CPM: variants seen among roughly 807,000 people sequenced by gnomAD.
The protein encoded by CPM is renal carboxypeptidase.
A neutral mutation model predicts 46.4 loss-of-function variants in CPM; 35 were observed. The observed-to-expected ratio is 0.75, with a 90% CI of 0.58 to 1.00. The LOEUF is 1.00. Among genes scored for constraint, CPM ranks in the 50% least tolerant of loss-of-function variants. The pLI is 0.00. For missense variants in CPM, 422 were observed against 530.4 expected (o/e 0.80, Z 2.01); for synonymous variants, 195 against 195.3 (o/e 1.00, Z 0.01).
intron 3 of CPM, among the ~76,000 whole-genome samples, chr12:68,883,053 C>T (rs1886265042): frequency 6.6e-6 from 1 of 152,258 alleles, no homozygotes; most frequent in East Asian, 1.9e-4. Flanking sequence ...GGGTGGGGTC[C>T]CATTTTAAAA....
intron 4 of CPM, among the ~76,000 whole-genome samples, chr12:68,870,699 C>T (rs574991899): frequency 5.3e-5 from 8 of 152,204 alleles, no homozygotes; most frequent in Non-Finnish European, 1.2e-4. Context: ...ACCTTGAGAT[C>T]CCAATGGTCG....
intron 1 of CPM, among the ~76,000 whole-genome samples, chr12:68,939,673 A>G (rs1044173478): frequency 6.6e-6 from 1 of 152,122 alleles, no homozygotes; most frequent in Non-Finnish European, 1.5e-5. Context: ...TGGACTGGTT[A>G]GGCAATGCCT....
chr12:68,927,194 T>C (rs558923271), intron 2 of CPM, among the ~76,000 whole-genome samples: 1,659 of 151,458 alleles, frequency 0.011, 19 homozygotes, highest in Admixed American at 0.015. Flanking sequence ...TGTAAAAGTG[T>C]TCCTATTTCT....
intron 1 of CPM, among the ~76,000 whole-genome samples, chr12:68,948,644 G>A (rs1285897250): frequency 6.6e-6 from 1 of 152,146 alleles, no homozygotes; most frequent in Non-Finnish European, 1.5e-5. Flanking sequence ...TTGGTTGCCT[G>A]CATATAGCAA....
chr12:68,842,232 A>G (rs1160886505), exon 6 of CPM: 1 of 498,546 alleles, frequency 2.0e-6, no homozygotes, highest in Non-Finnish European at 4.0e-6. Context: ...CTATATTTAT[A>G]ATGAACAAAT....
In CPM at chr12:68,962,374, G is replaced by A. The variant is rs548139694; in HGVS notation, c.-4+795C>T. Among the ~76,000 whole-genome samples the A allele has an allele frequency of 9.9e-5, 15 of 152,174 alleles. No individual in the cohort carries two copies. The South Asian group carries it at 2.5e-3, about 25-fold the overall frequency. ...GAAGGCCTCAGAAGCAGCCTGAGAA[G>A]CAAAAGGTTTTCTCTGACCTTCTCC... On this transcript the variant is annotated intron_variant, in intron 1 of 8. Coordinates refer to the CPM transcript ENST00000546373.
At chr12:68,914,799 T>C (rs1458471582) in intron 2 of CPM, among the ~76,000 whole-genome samples, 12 of 152,186 alleles carry the variant, frequency 7.9e-5, no homozygotes, top group Non-Finnish European at 1.8e-4. Flanking sequence ...CTCTAGAGAC[T>C]GGAAGAACTG....
intron 2 of CPM, among the ~76,000 whole-genome samples, chr12:68,901,337 G>A (rs1291385446): frequency 6.6e-6 from 1 of 152,210 alleles, no homozygotes; most frequent in African/African-American, 2.4e-5. Flanking sequence ...GAGCCAGAGA[G>A]GTCAGGTTGT....
intron 1 of CPM, among the ~76,000 whole-genome samples, chr12:68,952,460 G>A (rs1184161853): frequency 4.6e-5 from 7 of 152,192 alleles, no homozygotes; most frequent in Non-Finnish European, 8.8e-5. Context: ...CGGGCTACAT[G>A]ATCTGTGGGA....
At chr12:68,889,376 T>C (rs553539088) in intron 2 of CPM, among the ~76,000 whole-genome samples, 1 of 152,352 alleles carries the variant, frequency 6.6e-6, no homozygotes, top group South Asian at 2.1e-4. Context: ...AGGAATTTTA[T>C]GTAAATTATA....
chr12:68,843,504 ACTT>A (rs150489933), intron 5 of CPM: 15,190 of 226,362 alleles, frequency 0.067, 2,279 homozygotes, highest in African/African-American at 0.32. Context: ...CTGTGGATTA[ACTT>A]CTTGATTTAT....
chr12:68,955,309 T>A (rs193134090), intron 1 of CPM, among the ~76,000 whole-genome samples: 1 of 152,320 alleles, frequency 6.6e-6, no homozygotes, highest in African/African-American at 2.4e-5. Context: ...TTTAAAAAAA[T>A]TTGTAAAACA....
Position 68,931,651 on chromosome 12 carries a change from A to C in CPM, c.160+1027T>G, listed in dbSNP as rs191968550. On this transcript the variant is annotated intron_variant, in intron 2 of 8. Coordinates refer to ENST00000551568, the MANE Select transcript of CPM (RefSeq NM_198320.5). ...TCCCAGCTACTCGGGAGACTGAGGC[A>C]GGAGAATTGCTTGAACTCAGGAAGC... is the stretch of plus-strand genomic sequence containing the variant. Among the ~76,000 whole-genome samples the C allele has an allele frequency of 4.0e-3, 593 of 148,092 alleles. 3 individuals carry two copies. The highest frequency in any genetic ancestry group is 0.014 in the African/African-American group (567 of 40,084).
At chr12:68,859,258 C>A (rs1885108947) in intron 7 of CPM, among the ~76,000 whole-genome samples, 187 bp from the exon 8 acceptor site, 1 of 152,084 alleles carries the variant, frequency 6.6e-6, no homozygotes, top group African/African-American at 2.4e-5. Context: ...AATTACTAAT[C>A]TGATTTATAG....
chr12:68,853,406 T>C lies in CPM; in HGVS notation c.*3031A>G, dbSNP rs1469945430. On this transcript the variant is annotated 3_prime_UTR_variant, in exon 9 of 9. Coordinates refer to ENST00000551568, the MANE Select transcript of CPM (RefSeq NM_198320.5). ...ATATTCAGATTATTATGAGTTTTTT[T>C]TGGTTATCATCTATTGCTGCTGCAC... 6.6e-6 allele frequency: 1 copy of C among 152,222 alleles called. No individual in the cohort carries two copies. The highest frequency in any genetic ancestry group is 1.5e-5 in the Non-Finnish European group (1 of 68,030). 9.4% of individuals were successfully genotyped at this position (152,222 alleles called of 1,614,324 possible).
intron 7 of CPM, among the ~76,000 whole-genome samples, chr12:68,861,896 T>C (rs1885232881): frequency 8.1e-6 from 1 of 123,350 alleles, no homozygotes; most frequent in African/African-American, 3.3e-5. Context: ...TAATGAGTAG[T>C]TGGCAGAAGA....
Position 68,856,460 on chromosome 12 carries a change from G to T in CPM, c.1309C>A (p.Leu437Ile). 1.2e-6 allele frequency: 2 copies of T among 1,614,042 alleles called. No individual in the cohort carries two copies. The highest frequency in any genetic ancestry group is 1.7e-6 in the Non-Finnish European group (2 of 1,179,972). Residue 437 changes from leucine to isoleucine, a missense_variant, in exon 9 of 9, where the codon CTT becomes ATT. Physicochemically the swap from Leu to Ile is conservative, Grantham distance 5 (BLOSUM62 2). Transcript: ENST00000551568. The part of the protein sequence containing the change: ...KPSLFLFLVS[L>I]LHIFFK ...CTTTATTTGAAGAATATGTGCAAAA[G>T]ACTCACTAAAAATAAGAACAAACTA...
At chr12:68,939,195 G>A (rs62640857) in intron 1 of CPM, among the ~76,000 whole-genome samples, 24,460 of 144,430 alleles carry the variant, frequency 0.17, 2,125 homozygotes, top group Middle Eastern at 0.21. Context: ...ATATATGTAT[G>A]TACATCCCAT....
At chr12:68,900,235 A>G (rs530072847) in intron 2 of CPM, among the ~76,000 whole-genome samples, 4 of 152,368 alleles carry the variant, frequency 2.6e-5, no homozygotes, top group East Asian at 3.9e-4. Context: ...CAGGCATTTC[A>G]CCAAAGAAGA....
Sources: allele counts gnomAD v4.1 joint callset (sites outside exome capture counted in the v4.1 genomes callset), GRCh38; gene constraint gnomAD v4.1.1; transcripts MANE v1.5; gene names NCBI Gene and HGNC (gene_info 2026-07-23, HGNC 2026-07-21).